The following ZNF267 variants were observed in gnomAD, a reference collection of about 807,000 sequenced individuals.
ZNF267 encodes the protein zinc finger protein 267, also known as zinc finger (C2H2).
ZNF267 carries 61 observed loss-of-function variants against 71.6 expected under a neutral mutation model. That is an observed-to-expected ratio of 0.85 (90% confidence interval 0.69 to 1.05). The LOEUF (loss-of-function observed/expected upper bound fraction) is 1.05. Among genes scored for constraint, ZNF267 ranks in the 50% least tolerant of loss-of-function variants. ZNF267 has a pLI of 0.00. For synonymous variants in ZNF267, 288 were observed against 293.2 expected (o/e 0.98, Z 0.18); for missense variants, 852 against 870.0 (o/e 0.98, Z 0.26).
chr16:31,889,792 C>G (rs1020997039), intron 3 of ZNF267, among the ~76,000 whole-genome samples: 3 of 152,148 alleles, frequency 2.0e-5, no homozygotes, highest in Admixed American at 6.6e-5. Flanking sequence ...AAGGACAGCA[C>G]CAAAGAATTC....
intron 3 of ZNF267, among the ~76,000 whole-genome samples, chr16:31,907,180 T>G (rs1370320686): frequency 1.3e-5 from 2 of 152,168 alleles, no homozygotes; most frequent in African/African-American, 4.8e-5. Flanking sequence ...CATGTGAGTC[T>G]CTTTGTGTTG....
intron 3 of ZNF267, among the ~76,000 whole-genome samples, chr16:31,899,935 T>C (rs1224794392): frequency 6.6e-6 from 1 of 152,148 alleles, no homozygotes; most frequent in Non-Finnish European, 1.5e-5. Context: ...ATTACCTTTT[T>C]AGAAATTAAT....
At chr16:31,885,106 T>C in intron 2 of ZNF267, 55 bp from the exon 3 acceptor site, 1 of 1,440,306 alleles carries the variant, frequency 6.9e-7, no homozygotes, top group Non-Finnish European at 9.3e-7. Context: ...AGTATAAAAA[T>C]AAAAAATAAA....
At chr16:31,886,894 AG>A (rs2083927934) in intron 3 of ZNF267, among the ~76,000 whole-genome samples, 1 of 152,328 alleles carries the variant, frequency 6.6e-6, no homozygotes, top group Admixed American at 6.5e-5. Flanking sequence ...GTAGCATTGA[AG>A]GTTCATATAA....
At chr16:31,893,026 C>T (rs1257084486) in intron 3 of ZNF267, among the ~76,000 whole-genome samples, 2 of 152,254 alleles carry the variant, frequency 1.3e-5, no homozygotes, top group Non-Finnish European at 2.9e-5. Flanking sequence ...CCCTTCTGCA[C>T]TGCCCTAGCA....
chr16:31,905,755 T>C (rs982955270), intron 3 of ZNF267, among the ~76,000 whole-genome samples: 1 of 152,162 alleles, frequency 6.6e-6, no homozygotes, highest in Admixed American at 6.5e-5. Flanking sequence ...CTCAGAGTAG[T>C]TTGATTGTCT....
At chr16:31,899,673 G>A (rs1487290690) in intron 3 of ZNF267, among the ~76,000 whole-genome samples, 1 of 152,082 alleles carries the variant, frequency 6.6e-6, no homozygotes, top group African/African-American at 2.4e-5. Context: ...AAAGGAAAAT[G>A]TGAGAGATGT....
intron 1 of ZNF267, among the ~76,000 whole-genome samples, chr16:31,877,276 G>A (rs2083858950): frequency 1.3e-5 from 2 of 151,940 alleles, no homozygotes; most frequent in Non-Finnish European, 2.9e-5. Flanking sequence ...ATTTGATTTT[G>A]TCAAATAAAA....
chr16:31,907,257 CATT>C (rs1234616904), intron 3 of ZNF267, among the ~76,000 whole-genome samples: 1 of 152,120 alleles, frequency 6.6e-6, no homozygotes, highest in Non-Finnish European at 1.5e-5. Flanking sequence ...AATTCTTAGT[CATT>C]ATTACTTCAA....
Position 31,915,915 on chromosome 16 carries a change from GCCTTT to G in ZNF267, c.1671_1675del (p.Phe557LeufsTer2), listed in dbSNP as rs2084172529. On this transcript the variant is annotated frameshift_variant, in exon 4 of 4. Coordinates refer to ENST00000300870, the MANE Select transcript of ZNF267 (RefSeq NM_003414.6). LOFTEE classifies it high-confidence loss of function. ...CTATAAATGTAAAGAATGTGGCAAA[GCCTTT>G]CCTTATAGTTCACACCTTATTCGAC... 1 of 1,613,772 alleles carries G rather than the reference GCCTTT, an allele frequency of 6.2e-7. No individual in the cohort carries two copies. Among genetic ancestry groups the G allele is most frequent in the African/African-American group, 1.3e-5 (1 of 74,924 alleles).
chr16:31,915,256 A>G lies in ZNF267; in HGVS notation c.1007A>G (p.His336Arg). The stretch of plus-strand genomic sequence containing the variant: ...GGGGATAGCTTAAACCATAGTTTGC[A>G]CCTTACTCAACATCAGATCATTCCT... The part of the protein sequence containing the change: ...KCGDSLNHSL[H>R]LTQHQIIPTE... The change falls in exon 4 of 4, where the codon CAC becomes CGC. Residue 336 changes from histidine (H) to arginine (R), a missense_variant. Physicochemically the swap from His to Arg is conservative, Grantham distance 29 (BLOSUM62 0). Transcript: ENST00000300870. The G allele has an allele frequency of 1.2e-6, 2 of 1,614,022 alleles. No homozygotes were observed. Among genetic ancestry groups the G allele is most frequent in the African/African-American group, 2.7e-5 (2 of 75,058 alleles).
At chr16:31,878,384 C>T (rs2142329045) in intron 1 of ZNF267, among the ~76,000 whole-genome samples, 1 of 152,242 alleles carries the variant, frequency 6.6e-6, no homozygotes, top group East Asian at 1.9e-4. Context: ...GATTCCCACC[C>T]ACTCCTGAAC....
intron 1 of ZNF267, among the ~76,000 whole-genome samples, chr16:31,880,830 A>G (rs997896102): frequency 6.6e-6 from 1 of 152,184 alleles, no homozygotes; most frequent in Non-Finnish European, 1.5e-5. Context: ...AGGTAAACCA[A>G]TTGCTTCCAT....
At chr16:31,906,547 G>A (rs1483135669) in intron 3 of ZNF267, among the ~76,000 whole-genome samples, 1 of 152,200 alleles carries the variant, frequency 6.6e-6, no homozygotes, top group Admixed American at 6.5e-5. Flanking sequence ...AGCAATCAGT[G>A]AGACTCCGTG....
chr16:31,873,837 C>G lies in ZNF267; in HGVS notation c.-130C>G. 1 of 1,322,180 alleles carries G rather than the reference C, an allele frequency of 7.6e-7. No homozygotes were observed. Among genetic ancestry groups the G allele is most frequent in the Non-Finnish European group, 1.1e-6 (1 of 924,106 alleles). 81.9% of individuals were successfully genotyped at this position (1,322,180 alleles called of 1,614,324 possible). A position where few individuals can be genotyped will look rare whatever the true frequency, so the allele number is the denominator to read the frequency against. On this transcript the variant is annotated 5_prime_UTR_variant, in exon 1 of 4. Transcript: ENST00000300870. ...GAGCTCGGGTCTCCTCGCCACAGCT[C>G]CGAGTCTTTCGTTCTGGGAGGCCCA... is the stretch of plus-strand genomic sequence containing the variant.
chr16:31,886,439 T>C (rs1181933048), intron 3 of ZNF267, among the ~76,000 whole-genome samples: 1 of 152,182 alleles, frequency 6.6e-6, no homozygotes, highest in Non-Finnish European at 1.5e-5. Context: ...TTGATTCTCA[T>C]AGGAGTGTGA....
Position 31,916,397 on chromosome 16 carries a change from C to A in ZNF267, c.2148C>A (p.Tyr716Ter), listed in dbSNP as rs1159841451. ...HRRSHSGERP[Y>*]KCEECGKAFN... ...GAAGTCATAGTGGAGAGAGACCCTA[C>A]AAATGTGAAGAATGTGGCAAAGCCT... Residue 716 changes from tyrosine to a stop codon, truncating the protein, a stop_gained, in exon 4 of 4, where the codon TAC becomes TAA. Coordinates refer to ENST00000300870, the MANE Select transcript of ZNF267 (RefSeq NM_003414.6). LOFTEE classifies it high-confidence loss of function. 1 of 1,613,952 alleles carries A rather than the reference C, an allele frequency of 6.2e-7. No individual in the cohort carries two copies. The highest frequency in any genetic ancestry group is 8.5e-7 in the Non-Finnish European group (1 of 1,179,966).
intron 1 of ZNF267, among the ~76,000 whole-genome samples, chr16:31,881,714 C>A (rs1009096712): frequency 6.8e-6 from 1 of 147,544 alleles, no homozygotes; most frequent in South Asian, 2.1e-4. Flanking sequence ...ACTCTGTTGC[C>A]TAGGCTGGAA....
At chr16:31,888,983 C>T (rs2083941926) in intron 3 of ZNF267, among the ~76,000 whole-genome samples, 1 of 151,756 alleles carries the variant, frequency 6.6e-6, no homozygotes, top group Non-Finnish European at 1.5e-5. Flanking sequence ...TGTCTTCTTT[C>T]TCATTATTAG....
Sources: allele counts gnomAD v4.1 joint callset (sites outside exome capture counted in the v4.1 genomes callset), GRCh38; gene constraint gnomAD v4.1.1; transcripts MANE v1.5; gene names NCBI Gene and HGNC (gene_info 2026-07-23, HGNC 2026-07-21).